TRPC5: variants seen among roughly 807,000 people sequenced by gnomAD.
The protein encoded by TRPC5 is short transient receptor potential channel 5.
A neutral mutation model predicts 56.5 loss-of-function variants in TRPC5; 9 were observed. The observed-to-expected ratio is 0.16, with a 90% CI of 0.10 to 0.28. The LOEUF is 0.28. TRPC5 is among the 10% of genes least tolerant of loss of function. The pLI is 1.00. For missense variants in TRPC5, 469 were observed against 748.9 expected, an observed-to-expected ratio of 0.63 and a Z score of 4.36; for synonymous variants, 282 against 278.5, an observed-to-expected ratio of 1.01 and a Z score of -0.13.
At chrX:111,903,020 G>A (rs1218924709) in intron 3 of TRPC5, 1 of 112,026 alleles carries the variant, frequency 8.9e-6, no homozygotes, top group Non-Finnish European at 1.9e-5. Flanking sequence ...CTATGGACTA[G>A]ATATAGTCCT....
chrX:111,883,048 T>C (rs1269587244), intron 3 of TRPC5, among the ~76,000 whole-genome samples: 1 of 104,426 alleles, frequency 9.6e-6, no homozygotes, highest in South Asian at 4.4e-4. Context: ...ATCATGCCAT[T>C]GCACTCCAGC....
intron 1 of TRPC5, among the ~76,000 whole-genome samples, chrX:112,021,663 C>T (rs1273976622): frequency 8.9e-6 from 1 of 112,079 alleles, no homozygotes; most frequent in Non-Finnish European, 1.9e-5. Context: ...AATGTGGAAT[C>T]TAAAGGAAAT....
Position 111,860,099 on chromosome X carries a change from G to A in TRPC5, c.901-5993C>T, listed in dbSNP as rs1923357564. 2.7e-5 allele frequency among the ~76,000 whole-genome samples: 3 copies of A among 112,093 alleles called. No homozygotes were observed. In the Admixed American group the frequency reaches 2.8e-4, roughly 11 times the overall value. ...AATTTTTTTGTATTTTAGTAGAGAC[G>A]GGGTTTCACCGTGTTAGCCAGGATG... On this transcript the variant is annotated intron_variant, in intron 3 of 10. Transcript: ENST00000262839.
At chrX:111,963,938 C>T (rs1252650449) in intron 1 of TRPC5, among the ~76,000 whole-genome samples, 1 of 112,177 alleles carries the variant, frequency 8.9e-6, no homozygotes, top group Non-Finnish European at 1.9e-5. Context: ...CAAAGGAACG[C>T]AGCTCCTCAC....
chrX:112,001,634 G>A (rs750240906), intron 1 of TRPC5, among the ~76,000 whole-genome samples: 5 of 111,169 alleles, frequency 4.5e-5, no homozygotes, highest in African/African-American at 9.8e-5. Context: ...GTTGGTGCAC[G>A]CTTGTAATCC....
At chrX:111,788,980 C>T (rs953787396) in intron 7 of TRPC5, among the ~76,000 whole-genome samples, 38 of 111,825 alleles carry the variant, frequency 3.4e-4, no homozygotes, top group Middle Eastern at 9.3e-3. Flanking sequence ...GTGAAAATGG[C>T]CATACTGCCC....
At chrX:112,076,862 AT>A (rs1930847817) in intron 1 of TRPC5, among the ~76,000 whole-genome samples, 1 of 111,879 alleles carries the variant, frequency 8.9e-6, no homozygotes, top group Admixed American at 9.5e-5. Context: ...ATTTAAATAT[AT>A]TTTACTGTTG....
At chrX:111,848,929 A>G (rs1040517063) in intron 5 of TRPC5, among the ~76,000 whole-genome samples, 3 of 112,193 alleles carry the variant, frequency 2.7e-5, no homozygotes, top group Non-Finnish European at 5.6e-5. Flanking sequence ...TCACACAGCA[A>G]GTCGGTGGCA....
intron 2 of TRPC5, among the ~76,000 whole-genome samples, chrX:111,938,147 T>C (rs1482540695): frequency 3.1e-5 from 3 of 96,403 alleles, no homozygotes; most frequent in Non-Finnish European, 6.2e-5. Context: ...GCTCTCTGTT[T>C]GTCTGTTATT....
At chrX:111,997,347 A>G (rs1451685240) in intron 1 of TRPC5, among the ~76,000 whole-genome samples, 1 of 111,824 alleles carries the variant, frequency 8.9e-6, no homozygotes, top group African/African-American at 3.3e-5. Flanking sequence ...TCTGGCTTGT[A>G]GGGTTTCTGA....
chrX:111,966,561 A>G (rs776927518), intron 1 of TRPC5, among the ~76,000 whole-genome samples: 146 of 111,887 alleles, frequency 1.3e-3, no homozygotes, highest in African/African-American at 4.4e-3. Context: ...CTTGATGAAC[A>G]TTGATGCAAA....
At chrX:112,023,558 T>G (rs1929342036) in intron 1 of TRPC5, among the ~76,000 whole-genome samples, 1 of 110,744 alleles carries the variant, frequency 9.0e-6, no homozygotes, top group African/African-American at 3.3e-5. Flanking sequence ...TTATAAATCT[T>G]CTTGTCTTTG....
chrX:111,856,312 C>T (rs1019675410), intron 3 of TRPC5, among the ~76,000 whole-genome samples: 2 of 109,864 alleles, frequency 1.8e-5, no homozygotes, highest in African/African-American at 6.7e-5. Context: ...GAGGCCAAGG[C>T]GGGGAGATTG....
intron 1 of TRPC5, among the ~76,000 whole-genome samples, chrX:112,023,261 T>G (rs1007455752): frequency 8.0e-5 from 8 of 100,309 alleles, no homozygotes; most frequent in Middle Eastern, 4.9e-3. Flanking sequence ...TTTTTTTTTT[T>G]TTTTTTTTTT....
At chrX:112,029,486 TTTC>T (rs201790081) in intron 1 of TRPC5, among the ~76,000 whole-genome samples, 5,205 of 111,838 alleles carry the variant, frequency 0.047, 316 homozygotes, top group African/African-American at 0.16. Flanking sequence ...GATGTACTGA[TTTC>T]TTTTCTTTGG....
chrX:111,820,372 A>G (rs750781878), intron 7 of TRPC5, among the ~76,000 whole-genome samples: 2 of 112,234 alleles, frequency 1.8e-5, no homozygotes, highest in East Asian at 5.6e-4. Flanking sequence ...TTTTGAAGCA[A>G]CTACAGTAGG....
intron 1 of TRPC5, among the ~76,000 whole-genome samples, chrX:111,975,184 G>A (rs894741987): frequency 4.5e-5 from 5 of 111,235 alleles, no homozygotes; most frequent in African/African-American, 1.3e-4. Flanking sequence ...TCAGCAAAAG[G>A]TGGGAGAATT....
At chrX:111,824,471 A>G (rs1207336526) in intron 7 of TRPC5, among the ~76,000 whole-genome samples, 2 of 111,945 alleles carry the variant, frequency 1.8e-5, no homozygotes, top group African/African-American at 6.5e-5. Flanking sequence ...CTGGCATTTA[A>G]TAAAGGCTTG....
At chrX:111,970,769 A>G (rs765658907) in intron 1 of TRPC5, among the ~76,000 whole-genome samples, 1 of 99,582 alleles carries the variant, frequency 1.0e-5, no homozygotes, top group Admixed American at 1.1e-4. Flanking sequence ...GGCAAGTCAC[A>G]TTACCGTTTT....
Sources: allele counts gnomAD v4.1 joint callset (sites outside exome capture counted in the v4.1 genomes callset), GRCh38; gene constraint gnomAD v4.1.1; transcripts MANE v1.5; gene names NCBI Gene and HGNC (gene_info 2026-07-23, HGNC 2026-07-21).